The following AGXT variants were observed in gnomAD, a reference collection of about 807,000 sequenced individuals.
AGXT encodes the protein alanine--glyoxylate aminotransferase.
Under a neutral mutation model 46.9 loss-of-function variants are expected in AGXT, and 41 were observed. That is an observed-to-expected ratio of 0.88 (90% CI 0.68 to 1.14). The LOEUF is 1.14. AGXT is among the 50% of genes most tolerant of loss of function. The probability of loss-of-function intolerance (pLI) is 0.00; values close to 1 mark genes in which losing one functional copy is unlikely to be tolerated. For missense variants in AGXT, 525 were observed against 522.7 expected (o/e 1.00, Z -0.04); for synonymous variants, 244 against 227.9 (o/e 1.07, Z -0.64).
Position 240,868,875 on chromosome 2 carries a change from C to T in AGXT, c.10C>T (p.His4Tyr). The change falls in exon 1 of 11, where the codon CAC becomes TAC. Residue 4 changes from histidine to tyrosine, a missense_variant. His to Tyr is a moderately conservative substitution (Grantham distance 83). Coordinates refer to ENST00000307503, the MANE Select transcript of AGXT (RefSeq NM_000030.3). Reference sequence around the variant, plus strand: ...AGGTTGGGTGCGGACCATGGCCTCTCACAAGCTGCTGGTGACCCCCCCCAA... The same window carrying T: ...AGGTTGGGTGCGGACCATGGCCTCTTACAAGCTGCTGGTGACCCCCCCCAA... Reference protein sequence around the residue: MASHKLLVTPPKAL... With the variant: MASYKLLVTPPKAL... 1 of 1,611,814 alleles carries T rather than the reference C, an allele frequency of 6.2e-7. No homozygotes were observed. The highest frequency in any genetic ancestry group is 8.5e-7 in the Non-Finnish European group (1 of 1,179,498).
In AGXT at chr2:240,878,974, G is replaced by T; in HGVS notation, c.*153G>T. ...GAGGCAGAACCAGGCAGCCTCCCTG[G>T]CCCCAGGCAGCCCTTTTCCCTCCAG... On this transcript the variant is annotated 3_prime_UTR_variant, in exon 11 of 11. Transcript: ENST00000307503. The T allele has an allele frequency of 1.3e-6, 1 of 743,816 alleles. No individual in the cohort carries two copies. The highest frequency in any genetic ancestry group is 1.7e-5 in the African/African-American group (1 of 57,952). The allele number at this position is 743,816 out of a possible 1,614,324, so 46.1% of individuals were successfully genotyped here.
chr2:240,877,466 G>A (rs760703634), intron 8 of AGXT, 71 bp from the exon 9 acceptor site: 11 of 1,401,452 alleles, frequency 7.8e-6, no homozygotes, highest in Admixed American at 2.1e-5. Context: ...TCTTCCTCCC[G>A]CACCACAGAG....
In AGXT at chr2:240,875,985, T is replaced by A; in HGVS notation, c.827T>A (p.Leu276Gln). Residue 276 changes from leucine (L) to glutamine (Q), a missense_variant, in exon 8 of 11, where the codon CTG becomes CAG. Physicochemically the swap from Leu to Gln is moderately radical, Grantham distance 113. Transcript: ENST00000307503. ...VISLYSLRES[L>Q]ALIAEQGLEN... ...AGCCTGTACAGCCTGAGAGAGAGCC[T>A]GGCCCTCATTGCGGAACAGGTGCAT... 1 of 1,614,138 alleles carries A rather than the reference T, an allele frequency of 6.2e-7. No homozygotes were observed.
At chr2:240,872,907 A>C in intron 4 of AGXT, 72 bp from the exon 5 acceptor site, 1 of 1,368,038 alleles carries the variant, frequency 7.3e-7, no homozygotes, top group Admixed American at 1.7e-5. Flanking sequence ...AACCCCATCC[A>C]GCCTGGGGCC....
chr2:240,872,346 C>T (rs1175020740), intron 4 of AGXT, among the ~76,000 whole-genome samples: 99 of 122,650 alleles, frequency 8.1e-4, no homozygotes, highest in African/African-American at 2.9e-3. Context: ...GGTGAGAGTT[C>T]GTGAACATGC....
At chr2:240,872,388 C>G (rs868728455) in intron 4 of AGXT, among the ~76,000 whole-genome samples, 17 of 98,328 alleles carry the variant, frequency 1.7e-4, no homozygotes, top group East Asian at 3.2e-4. Flanking sequence ...CGTGAACATG[C>G]AGGTGGAGGA....
At chr2:240,871,258 A>T in intron 3 of AGXT, 91 bp from the exon 4 acceptor site, 1 of 1,121,454 alleles carries the variant, frequency 8.9e-7, no homozygotes, top group Non-Finnish European at 1.3e-6. Flanking sequence ...AGCCCCTGCT[A>T]CCTGGAGCTG....
intron 2 of AGXT, 119 bp from the exon 3 acceptor site, chr2:240,870,525 G>T: frequency 8.3e-7 from 1 of 1,198,418 alleles, no homozygotes; most frequent in Non-Finnish European, 1.2e-6. Context: ...GGCAGCCAGG[G>T]TGCCACGGTG....
Position 240,869,817 on chromosome 2 carries a change from A to G in AGXT, c.358+455A>G, listed in dbSNP as rs528477473. Among the ~76,000 whole-genome samples the G allele has an allele frequency of 2.0e-5, 3 of 152,304 alleles. No homozygotes were observed. The South Asian group carries it at 6.2e-4, about 32-fold the overall frequency. On this transcript the variant is annotated intron_variant, in intron 2 of 10. Coordinates refer to ENST00000307503, the MANE Select transcript of AGXT (RefSeq NM_000030.3). ...CAAAATATGGAGGTATGGGCAGAGT[A>G]TTCGCCTCCGGAGTACACTTTTCTG... is the stretch of plus-strand genomic sequence containing the variant.
rs180177232 is a variant in AGXT at position 240,871,444 on chromosome 2, C to G, written c.519C>G (p.Cys173Trp). The G allele has an allele frequency of 1.3e-6, 2 of 1,586,436 alleles. No homozygotes were observed. The highest frequency in any genetic ancestry group is 2.3e-5 in the South Asian group (2 of 86,742). ...CCCTTGATGGCTTCGGGGAACTCTG[C>G]CACAGGTGAGCCTGGCCCCAGGGCG... ...LQPLDGFGEL[C>W]HRYKCLLLVD... Residue 173 changes from cysteine (C) to tryptophan (W), a missense_variant, in exon 4 of 11, where the codon TGC becomes TGG. By Grantham distance (215) the Cys-to-Trp change is radical. Transcript: ENST00000307503.
At chr2:240,869,445 C>A in intron 2 of AGXT, 83 bp downstream of exon 2, 1 of 1,454,828 alleles carries the variant, frequency 6.9e-7, no homozygotes, top group Non-Finnish European at 9.2e-7. Flanking sequence ...AGCTGGCAGC[C>A]CCCGTTCCTG....
At chr2:240,875,072 T>G in intron 6 of AGXT, 37 bp from the exon 7 acceptor site, 4 of 1,540,202 alleles carry the variant, frequency 2.6e-6, no homozygotes, top group Non-Finnish European at 3.6e-6. Context: ...CAGCCCAAAC[T>G]GAGAGGCTGG....
chr2:240,874,991 G>T (rs1020932088), intron 6 of AGXT, 118 bp from the exon 7 acceptor site: 2 of 833,148 alleles, frequency 2.4e-6, no homozygotes, highest in Non-Finnish European at 4.0e-6. Context: ...CAGCTGGGGC[G>T]GGCCCTCCTG....
At position 240,880,164 on chromosome 2, in the gene AGXT, G is replaced by A. The variant is rs1164659115; in HGVS notation, c.*1343G>A. 2 of 152,190 alleles carry A rather than the reference G, an allele frequency of 1.3e-5. No individual in the cohort carries two copies. The highest frequency in any genetic ancestry group is 4.8e-5 in the African/African-American group (2 of 41,434). The allele number at this position is 152,190 out of a possible 1,614,324, so 9.4% of individuals were successfully genotyped here. On this transcript the variant is annotated 3_prime_UTR_variant, in exon 11 of 11. Transcript: ENST00000307503. Reference sequence around the variant, plus strand: ...ATAAATAACTAGGAGTGGAATTGCAGGGTCATACAATAGGCTTAACCTTAT... The same window carrying A: ...ATAAATAACTAGGAGTGGAATTGCAAGGTCATACAATAGGCTTAACCTTAT...
At chr2:240,877,412 G>T (rs925462665) in intron 8 of AGXT, 125 bp from the exon 9 acceptor site, 10 of 918,208 alleles carry the variant, frequency 1.1e-5, no homozygotes, top group Non-Finnish European at 8.6e-6. Context: ...AGTCAAACTG[G>T]GGGCTCCAGG....
At chr2:240,876,055 C>T (rs762539201) in intron 8 of AGXT, 51 bp downstream of exon 8, 71 of 1,593,190 alleles carry the variant, frequency 4.5e-5, no homozygotes, top group Middle Eastern at 3.3e-4. Flanking sequence ...GCTGGATTGT[C>T]GAGGGCGCGG....
chr2:240,875,366 C>A (rs751453341), intron 7 of AGXT, among the ~76,000 whole-genome samples, 162 bp downstream of exon 7: 2 of 152,186 alleles, frequency 1.3e-5, no homozygotes, highest in Non-Finnish European at 2.9e-5. Context: ...CAGTCAAATG[C>A]CCCACCCTGG....
intron 3 of AGXT, 112 bp from the exon 4 acceptor site, chr2:240,871,237 G>A: frequency 1.1e-6 from 1 of 891,792 alleles, no homozygotes; most frequent in Admixed American, 2.0e-5. Flanking sequence ...GGGAGGAGTA[G>A]AGGCAGGCCC....
In AGXT at chr2:240,877,548, C is replaced by G. The variant is rs1449840528; in HGVS notation, c.858C>G (p.Asn286Lys). ...CATCTCCCACACAGGGCCTGGAGAA[C>G]AGCTGGCGCCAGCACCGCGAGGCCG... ...LALIAEQGLE[N>K]SWRQHREAAA... The change falls in exon 9 of 11, where the codon AAC becomes AAG. Residue 286 changes from asparagine to lysine, a missense_variant. Transcript: ENST00000307503. The G allele has an allele frequency of 6.5e-7, 1 of 1,549,086 alleles. No homozygotes were observed. The highest frequency in any genetic ancestry group is 1.2e-5 in the South Asian group (1 of 83,852).
Sources: gnomAD v4.1 joint callset for allele counts (sites outside exome capture counted in the v4.1 genomes callset) on GRCh38, gnomAD v4.1.1 for gene constraint, MANE v1.5 for transcripts, NCBI Gene and HGNC (gene_info 2026-07-23, HGNC 2026-07-21) for gene names.